Variants in CASK observed in about 807,000 individuals in gnomAD.
CASK encodes the protein peripheral plasma membrane protein CASK.
In CASK, 4 loss-of-function variants were observed where a neutral mutation model predicts 82.9. The observed-to-expected ratio is 0.05, with a 90% CI of 0.02 to 0.11. CASK has a LOEUF of 0.11. CASK is among the 10% of genes least tolerant of loss of function. The probability of loss-of-function intolerance (pLI) is 1.00; values close to 1 mark genes in which losing one functional copy is unlikely to be tolerated. For synonymous variants in CASK, 259 were observed against 253.5 expected (o/e 1.02, Z -0.20); for missense variants, 358 against 720.9 (o/e 0.50, Z 5.76).
intron 5 of CASK, among the ~76,000 whole-genome samples, chrX:41,684,713 G>T (rs1254846226): frequency 9.0e-6 from 1 of 111,001 alleles, no homozygotes; most frequent in African/African-American, 3.3e-5. Flanking sequence ...GGCCAGGCTG[G>T]TCTCGAACTC....
At chrX:41,579,028 C>T (rs2065525650) in intron 14 of CASK, among the ~76,000 whole-genome samples, 1 of 111,856 alleles carries the variant, frequency 8.9e-6, no homozygotes, top group Non-Finnish European at 1.9e-5. Context: ...GTAGACGGTA[C>T]AATTTCAAGT....
intron 2 of CASK, among the ~76,000 whole-genome samples, chrX:41,830,619 G>T (rs1444351155): frequency 3.7e-5 from 4 of 107,647 alleles, no homozygotes; most frequent in Non-Finnish European, 7.7e-5. Flanking sequence ...AGTAGATCGA[G>T]ACCATCCTGG....
At chrX:41,618,599 T>G (rs1052540740) in intron 11 of CASK, among the ~76,000 whole-genome samples, 9 of 109,664 alleles carry the variant, frequency 8.2e-5, no homozygotes, top group African/African-American at 3.0e-4. Context: ...CCACCATGCT[T>G]GGTCAGCAAG....
At chrX:41,769,174 C>CT (rs1264933987) in intron 3 of CASK, among the ~76,000 whole-genome samples, 1 of 105,871 alleles carries the variant, frequency 9.4e-6, no homozygotes, top group Non-Finnish European at 1.9e-5. Context: ...AAAAAAAGTA[C>CT]TTTTTTCTTT....
chrX:41,834,252 G>A (rs918378182), intron 2 of CASK, among the ~76,000 whole-genome samples: 1 of 111,337 alleles, frequency 9.0e-6, no homozygotes, highest in Non-Finnish European at 1.9e-5. Flanking sequence ...ATCTTGTAAC[G>A]CACCACAATT....
Position 41,640,909 on chromosome X carries a change from T to C in CASK, c.832-4248A>G, listed in dbSNP as rs140619222. Among the ~76,000 whole-genome samples the C allele has an allele frequency of 5.2e-3, 568 of 109,916 alleles. 14 individuals are homozygous for C. The highest frequency in any genetic ancestry group is 0.046 in the Admixed American group (465 of 10,146). On this transcript the variant is annotated intron_variant, in intron 8 of 26. Coordinates refer to ENST00000378163, the MANE Select transcript of CASK (RefSeq NM_001367721.1). ...TTTAAATAAAATTATGCTTCAATTA[T>C]GATATCAATTATTTTCTAAGCTAGT...
Position 41,517,999 on chromosome X carries a change from G to C in CASK, c.*2421C>G. ...ATGATGGCAAGAATGATGCCTGCCT[G>C]TGTGCTTCTCAGAGGACGTATAAAG... is the stretch of plus-strand genomic sequence containing the variant. On this transcript the variant is annotated 3_prime_UTR_variant, in exon 27 of 27. Transcript: ENST00000378163. 1 of 393,811 alleles carries C rather than the reference G, an allele frequency of 2.5e-6. No individual in the cohort carries two copies. Among genetic ancestry groups the C allele is most frequent in the South Asian group, 3.9e-5 (1 of 25,924 alleles). The allele number at this position is 393,811 out of a possible 1,213,427, so 32.5% of individuals were successfully genotyped here.
intron 11 of CASK, among the ~76,000 whole-genome samples, chrX:41,613,685 T>C (rs1300213970): frequency 3.0e-5 from 3 of 100,903 alleles, no homozygotes; most frequent in Non-Finnish European, 6.1e-5. Context: ...CTAAATAAAC[T>C]GTATATTCCC....
At chrX:41,582,470 C>G (rs2065595136) in intron 14 of CASK, among the ~76,000 whole-genome samples, 1 of 111,015 alleles carries the variant, frequency 9.0e-6, no homozygotes, top group African/African-American at 3.3e-5. Flanking sequence ...CGCCCACCAC[C>G]ATGCCTGGCT....
At chrX:41,808,571 G>A (rs763682401) in intron 2 of CASK, among the ~76,000 whole-genome samples, 1 of 112,005 alleles carries the variant, frequency 8.9e-6, no homozygotes, top group African/African-American at 3.2e-5. Context: ...TAAAACTCAC[G>A]ATAAGAGCTT....
intron 10 of CASK, among the ~76,000 whole-genome samples, chrX:41,625,178 CTT>C (rs2066345230): frequency 9.6e-6 from 1 of 104,183 alleles, no homozygotes; most frequent in African/African-American, 3.5e-5. Flanking sequence ...TTTTTTATCT[CTT>C]AATTTTTTTT....
intron 2 of CASK, among the ~76,000 whole-genome samples, chrX:41,814,426 A>G (rs1256086386): frequency 1.1e-4 from 12 of 111,159 alleles, no homozygotes; most frequent in Admixed American, 1.9e-4. Flanking sequence ...AAAAATGATG[A>G]GTTCATGTCC....
intron 4 of CASK, among the ~76,000 whole-genome samples, chrX:41,744,233 A>G (rs2147732061): frequency 9.0e-6 from 1 of 111,429 alleles, no homozygotes; most frequent in African/African-American, 3.3e-5. Context: ...AAGGCAACCT[A>G]CAGGAGTGGG....
intron 2 of CASK, among the ~76,000 whole-genome samples, chrX:41,850,499 C>A (rs2071242348): frequency 9.0e-6 from 1 of 110,991 alleles, no homozygotes; most frequent in Non-Finnish European, 1.9e-5. Context: ...TAAAATGAAA[C>A]AAAAAGGAAA....
intron 21 of CASK, among the ~76,000 whole-genome samples, chrX:41,551,966 G>A (rs2065104144): frequency 9.5e-6 from 1 of 105,433 alleles, no homozygotes; most frequent in African/African-American, 3.5e-5. Context: ...TCACTCTGTC[G>A]TCCAGGCTAG....
chrX:41,911,296 C>T (rs1428102744), intron 1 of CASK, among the ~76,000 whole-genome samples: 1 of 111,962 alleles, frequency 8.9e-6, no homozygotes, highest in African/African-American at 3.2e-5. Context: ...GCAAAAATTT[C>T]TAACCTAAAT....
intron 5 of CASK, chrX:41,727,624 C>T (rs1254822592): frequency 8.3e-7 from 1 of 1,209,041 alleles, no homozygotes; most frequent in Non-Finnish European, 1.1e-6. Context: ...CATGATCTCT[C>T]AGATTGCAGG....
At chrX:41,858,612 T>G (rs991079185) in intron 1 of CASK, among the ~76,000 whole-genome samples, 14 of 111,542 alleles carry the variant, frequency 1.3e-4, no homozygotes, top group Non-Finnish European at 2.1e-4. Flanking sequence ...GTGCATGACC[T>G]TGCCAACCGA....
At chrX:41,726,782 T>C (rs1012125142) in intron 5 of CASK, 1 of 252,533 alleles carries the variant, frequency 4.0e-6, no homozygotes, top group African/African-American at 2.8e-5. Flanking sequence ...GACAAAGGCA[T>C]TATCCATCAC....
Sources: gnomAD v4.1 joint callset for allele counts (sites outside exome capture counted in the v4.1 genomes callset) on GRCh38, gnomAD v4.1.1 for gene constraint, MANE v1.5 for transcripts, NCBI Gene and HGNC (gene_info 2026-07-23, HGNC 2026-07-21) for gene names.